Variants in M6PR observed in about 807,000 individuals in gnomAD.
M6PR encodes the protein mannose-6-phosphate receptor, cation dependent.
Under a neutral mutation model 33.1 loss-of-function variants are expected in M6PR, and 19 were observed. That is an observed-to-expected ratio of 0.57 (90% confidence interval 0.40 to 0.84). The LOEUF (loss-of-function observed/expected upper bound fraction) is 0.84. Ranked by LOEUF, M6PR falls within the 40% of genes least tolerant of loss-of-function variation. M6PR has a pLI of 0.00. For missense variants in M6PR, 295 were observed against 336.0 expected, an observed-to-expected ratio of 0.88 and a Z score of 0.95; for synonymous variants, 111 against 123.4, an observed-to-expected ratio of 0.90 and a Z score of 0.67.
chr12:8,943,614 C>T lies in M6PR; in HGVS notation c.454-79G>A, dbSNP rs181121023. ...CCAACAAAATAAAAAACCCAAAAAA[C>T]ATCTGCTCCTTCCTGGTTCAGCAGC... On this transcript the variant is annotated intron_variant, in intron 4 of 6. Transcript: ENST00000000412. 704 of 1,559,316 alleles carry T rather than the reference C, an allele frequency of 4.5e-4. 2 individuals are homozygous for T. The African/African-American group carries it at 8.1e-3, about 18-fold the overall frequency.
intron 6 of M6PR, 47 bp from the exon 7 acceptor site, chr12:8,941,987 T>C (rs201235842): frequency 4.9e-4 from 786 of 1,606,458 alleles, no homozygotes; most frequent in Non-Finnish European, 6.1e-4. Context: ...CATCTAACTT[T>C]AGGATATGAG....
Position 8,949,219 on chromosome 12 carries a change from G to A in M6PR, c.-2+269C>T, listed in dbSNP as rs1480287005. On this transcript the variant is annotated intron_variant, in intron 1 of 6. Transcript: ENST00000000412. The surrounding 1 kb of genome is among the most constrained non-coding windows in gnomAD (Gnocchi z 5.6). ...AATAAATCCACCAACACCTCCAACG[G>A]ACTCCATACTTGGGGTATTTTCCTT... 6.6e-6 allele frequency among the ~76,000 whole-genome samples: 1 copy of A among 151,814 alleles called. No homozygotes were observed. Among genetic ancestry groups the A allele is most frequent in the Admixed American group, 6.6e-5 (1 of 15,256 alleles).
chr12:8,945,128 A>G, intron 3 of M6PR: 2 of 269,296 alleles, frequency 7.4e-6, no homozygotes. Flanking sequence ...ACTGCACTCC[A>G]GGCTGGGTGA....
Position 8,940,365 on chromosome 12 carries a change from TTTTG to T in M6PR, c.*1449_*1452del, listed in dbSNP as rs977600350. The stretch of plus-strand genomic sequence containing the variant: ...TCACACAAATGACAAGGCCAATATG[TTTTG>T]TTTGTTTTTTAATCATTAAGAGTTT... On this transcript the variant is annotated 3_prime_UTR_variant, in exon 7 of 7. Transcript: ENST00000000412. The T allele has an allele frequency of 2.2e-5, 4 of 182,252 alleles. No individual in the cohort carries two copies. The highest frequency in any genetic ancestry group is 4.8e-5 in the African/African-American group (2 of 41,646). The allele number at this position is 182,252 out of a possible 1,614,324, so 11.3% of individuals were successfully genotyped here.
rs1946003969 is a variant in M6PR at position 8,941,399 on chromosome 12, A to C, written c.*419T>G. ...GGGTACAGAATAACAACATGAAAGC[A>C]ATCAACCCTGTATAAATAATGTTTC... On this transcript the variant is annotated 3_prime_UTR_variant, in exon 7 of 7. Coordinates refer to ENST00000000412, the MANE Select transcript of M6PR (RefSeq NM_002355.4). 1 of 184,650 alleles carries C rather than the reference A, an allele frequency of 5.4e-6. No individual in the cohort carries two copies. The highest frequency in any genetic ancestry group is 1.4e-4 in the East Asian group (1 of 6,922). 11.4% of individuals were successfully genotyped at this position (184,650 alleles called of 1,614,324 possible). A position where few individuals can be genotyped will look rare whatever the true frequency, so the allele number is the denominator to read the frequency against.
chr12:8,946,034 G>A (rs1426958693), intron 2 of M6PR, among the ~76,000 whole-genome samples, 195 bp downstream of exon 2: 1 of 152,164 alleles, frequency 6.6e-6, no homozygotes, highest in Non-Finnish European at 1.5e-5. Flanking sequence ...ATTTCTACAA[G>A]CTGGTCTCTT....
chr12:8,945,453 A>C lies in M6PR; in HGVS notation c.308T>G (p.Val103Gly), dbSNP rs763080318. 1 of 1,614,094 alleles carries C rather than the reference A, an allele frequency of 6.2e-7. No individual in the cohort carries two copies. The highest frequency in any genetic ancestry group is 1.7e-5 in the Admixed American group (1 of 60,004). The change falls in exon 3 of 7, where the codon GTA (valine) becomes GGA (glycine). Residue 103 changes from valine to glycine, a missense_variant. Physicochemically the swap from Val to Gly is moderately radical, Grantham distance 109. Coordinates refer to ENST00000000412, the MANE Select transcript of M6PR (RefSeq NM_002355.4). ...INKSNGKETV[V>G]GRLNETHIFN... ...GATGTGAGTCTCGTTGAGTCTCCCT[A>C]CCACTGTCTCCTTCCCATTACTTTT...
At chr12:8,942,299 G>C (rs1378369453) in intron 6 of M6PR, 117 bp downstream of exon 6, 2 of 1,422,152 alleles carry the variant, frequency 1.4e-6, no homozygotes, top group African/African-American at 2.8e-5. Context: ...GACTTTTGTG[G>C]TTTTAGCACT....
At position 8,941,803 on chromosome 12, in the gene M6PR, CAT is replaced by C. The variant is rs1234679473; in HGVS notation, c.*13_*14del. 4 of 1,613,926 alleles carry C rather than the reference CAT, an allele frequency of 2.5e-6. No individual in the cohort carries two copies. The highest frequency in any genetic ancestry group is 3.4e-6 in the Non-Finnish European group (4 of 1,179,980). ...TTGGGGGACTGAGGAAGAGGCTGGA[CAT>C]ATAAAGTGCAATCTACATTGGTAAT... On this transcript the variant is annotated 3_prime_UTR_variant, in exon 7 of 7. Transcript: ENST00000000412.
chr12:8,942,124 T>C (rs934972715), intron 6 of M6PR, 184 bp from the exon 7 acceptor site: 13 of 740,012 alleles, frequency 1.8e-5, no homozygotes, highest in Non-Finnish European at 2.6e-5. Context: ...TTTCTTCTTA[T>C]TAGGCCTCAC....
rs542593512 is a variant in M6PR at position 8,946,075 on chromosome 12, G to C, written c.176+154C>G. ...CAGTCTTGGAAATAGCTACACTTCT[G>C]TGAAAGATGAGAAAACTGCACACAG... On this transcript the variant is annotated intron_variant, in intron 2 of 6. Transcript: ENST00000000412. Among the ~76,000 whole-genome samples the C allele has an allele frequency of 1.2e-3, 176 of 152,298 alleles. 1 individual carries two copies. The highest frequency in any genetic ancestry group is 6.8e-3 in the Middle Eastern group (2 of 292).
intron 2 of M6PR, 24 bp downstream of exon 2, chr12:8,946,205 C>T (rs748235014): frequency 1.9e-6 from 3 of 1,590,102 alleles, no homozygotes; most frequent in Non-Finnish European, 2.6e-6. Context: ...TTTTCTCAAG[C>T]TCTTTAAGGT....
At chr12:8,942,639 T>TA in intron 5 of M6PR, 97 bp from the exon 6 acceptor site, 1 of 1,319,280 alleles carries the variant, frequency 7.6e-7, no homozygotes, top group Non-Finnish European at 1.0e-6. Flanking sequence ...TTTCCTAAGA[T>TA]ACATTCCCTG....
intron 1 of M6PR, among the ~76,000 whole-genome samples, chr12:8,948,800 G>A (rs1316248189): frequency 4.6e-5 from 7 of 152,204 alleles, no homozygotes; most frequent in Non-Finnish European, 8.8e-5. Context: ...AGACAGCCAT[G>A]GCCATTTACC....
At chr12:8,947,270 A>G (rs894339718) in intron 1 of M6PR, among the ~76,000 whole-genome samples, 4 of 152,182 alleles carry the variant, frequency 2.6e-5, no homozygotes, top group African/African-American at 9.7e-5. Context: ...CATTTTTAAA[A>G]TATAAAACTT....
rs989957517 is a variant in M6PR, at chr12:8,945,406, G to A, written c.343+12C>T. Reference sequence around the variant, plus strand: ...GTTAGTCAATCGATGGTAGGAAGGGGAGTTTTCTTACTTCCGTTGAAGATG... The same window carrying A: ...GTTAGTCAATCGATGGTAGGAAGGGAAGTTTTCTTACTTCCGTTGAAGATG... On this transcript the variant is annotated intron_variant, in intron 3 of 6. Transcript: ENST00000000412. 2 of 1,613,580 alleles carry A rather than the reference G, an allele frequency of 1.2e-6. No individual in the cohort carries two copies. The highest frequency in any genetic ancestry group is 2.7e-5 in the African/African-American group (2 of 74,906).
intron 2 of M6PR, among the ~76,000 whole-genome samples, chr12:8,946,023 A>C (rs573576443): frequency 2.6e-5 from 4 of 152,180 alleles, no homozygotes; most frequent in Non-Finnish European, 5.9e-5. Context: ...ATAATCCTTA[A>C]ATTTCTACAA....
In M6PR at chr12:8,945,523, C is replaced by G. The variant is rs1370011553; in HGVS notation, c.238G>C (p.Glu80Gln). 3.7e-6 allele frequency: 6 copies of G among 1,613,970 alleles called. No homozygotes were observed. The highest frequency in any genetic ancestry group is 5.1e-6 in the Non-Finnish European group (6 of 1,180,022). ...TYIYIFRVCR[E>Q]AGNHTSGAGL... ...GCCCCAGAAGTGTGGTTGCCAGCTTCCCGGCACACCCTGAAGATGTAGATG... is the reference window on the plus strand; with the variant it reads ...GCCCCAGAAGTGTGGTTGCCAGCTTGCCGGCACACCCTGAAGATGTAGATG... The change falls in exon 3 of 7, where the codon GAA becomes CAA. Residue 80 changes from glutamate (E) to glutamine (Q), a missense_variant. Coordinates refer to ENST00000000412, the MANE Select transcript of M6PR (RefSeq NM_002355.4).
At position 8,943,844 on chromosome 12, in the gene M6PR, C is replaced by A. The variant is rs780103335; in HGVS notation, c.410G>T (p.Arg137Leu). The A allele has an allele frequency of 6.2e-7, 1 of 1,613,398 alleles. No individual in the cohort carries two copies. Among genetic ancestry groups the A allele is most frequent in the Non-Finnish European group, 8.5e-7 (1 of 1,180,042 alleles). Residue 137 changes from arginine to leucine, a missense_variant, in exon 4 of 7, where the codon CGT (arginine) becomes CTT (leucine). Transcript: ENST00000000412. The part of the protein sequence containing the change: ...EYDNHCGKEQ[R>L]RAVVMISCNR... ...GCAGGAGATCATCACCACTGCACGA[C>A]GCTGCTCCTTGCCACAGTGGTTGTC...
Sources: gnomAD v4.1 joint callset for allele counts (sites outside exome capture counted in the v4.1 genomes callset) on GRCh38, gnomAD v4.1.1 for gene constraint, Gnocchi (gnomAD v3.1) non-coding constraint, MANE v1.5 for transcripts, NCBI Gene and HGNC (gene_info 2026-07-23, HGNC 2026-07-21) for gene names.